The following DCAF8L2 variants were observed in gnomAD, a reference collection of about 807,000 sequenced individuals.
DCAF8L2 encodes DDB1 and CUL4 associated factor 8 like 2, also known as DDB1- and CUL4-associated factor 8-like protein 2.
For synonymous variants in DCAF8L2, 200 were observed against 190.9 expected (o/e 1.05, Z -0.39); for missense variants, 430 against 490.7 (o/e 0.88, Z 1.17).
intron 1 of DCAF8L2, among the ~76,000 whole-genome samples, chrX:27,596,145 C>G (rs1926348115): frequency 8.9e-6 from 1 of 112,172 alleles, no homozygotes; most frequent in African/African-American, 3.2e-5. Flanking sequence ...AATTTGTAAA[C>G]TAATTTTTCT....
At chrX:27,612,979 T>C (rs1338123592) in intron 1 of DCAF8L2, among the ~76,000 whole-genome samples, 5 of 111,789 alleles carry the variant, frequency 4.5e-5, no homozygotes, top group African/African-American at 1.6e-4. Context: ...TTTTCCAATT[T>C]GGTCAAGAAA....
At chrX:27,630,689 C>T (rs1470046955) in intron 1 of DCAF8L2, among the ~76,000 whole-genome samples, 1 of 111,920 alleles carries the variant, frequency 8.9e-6, no homozygotes, top group African/African-American at 3.2e-5. Flanking sequence ...GGGGTTTATT[C>T]ATCATAGTCT....
upstream of DCAF8L2, among the ~76,000 whole-genome samples, chrX:27,586,204 A>G: frequency 9.0e-6 from 1 of 111,247 alleles, no homozygotes; most frequent in East Asian, 2.8e-4. Context: ...AGAACAAATG[A>G]CACTGTTATA....
At chrX:27,706,445 A>G (rs1569187774) in intron 3 of DCAF8L2, among the ~76,000 whole-genome samples, 1 of 111,271 alleles carries the variant, frequency 9.0e-6, no homozygotes, top group Non-Finnish European at 1.9e-5. Context: ...TCCTCTAAAG[A>G]AAGACCAACT....
At chrX:27,643,990 C>T (rs1928843141) in intron 2 of DCAF8L2, among the ~76,000 whole-genome samples, 1 of 111,572 alleles carries the variant, frequency 9.0e-6, no homozygotes, top group South Asian at 3.8e-4. Flanking sequence ...GAAGTCTTTG[C>T]ACTTAACATT....
the DCAF8L2 span, among the ~76,000 whole-genome samples, chrX:27,509,561 T>C: frequency 8.9e-6 from 1 of 112,302 alleles, no homozygotes; most frequent in Non-Finnish European, 1.9e-5. Flanking sequence ...GGTTGTCTAA[T>C]GAACATTGCA....
At chrX:27,504,341 C>T in the DCAF8L2 span, among the ~76,000 whole-genome samples, 2 of 111,572 alleles carry the variant, frequency 1.8e-5, no homozygotes, top group African/African-American at 6.5e-5. Context: ...CCTAACTCCT[C>T]TCATATTCAG....
the DCAF8L2 span, among the ~76,000 whole-genome samples, chrX:27,488,898 C>T: frequency 2.7e-5 from 3 of 110,120 alleles, no homozygotes; most frequent in African/African-American, 9.9e-5. Flanking sequence ...AAGCGATCCT[C>T]CCACCTTGGC....
At chrX:27,615,128 G>A (rs1052500391) in intron 1 of DCAF8L2, among the ~76,000 whole-genome samples, 1 of 111,350 alleles carries the variant, frequency 9.0e-6, no homozygotes, top group Admixed American at 9.6e-5. Context: ...AGGAAGACGT[G>A]CCCCTTGCCC....
At chrX:27,656,405 G>A (rs761154101) in intron 2 of DCAF8L2, among the ~76,000 whole-genome samples, 1 of 111,419 alleles carries the variant, frequency 9.0e-6, no homozygotes, top group South Asian at 3.7e-4. Context: ...GTTTTTATTG[G>A]GCTTCCCTTT....
the DCAF8L2 span, among the ~76,000 whole-genome samples, chrX:27,533,512 TATA>T: frequency 8.9e-6 from 1 of 111,860 alleles, no homozygotes; most frequent in African/African-American, 3.2e-5. Flanking sequence ...ATATCCACCT[TATA>T]ATAAAGAAGC....
chrX:27,491,562 C>T, the DCAF8L2 span, among the ~76,000 whole-genome samples: 1 of 112,293 alleles, frequency 8.9e-6, no homozygotes, highest in African/African-American at 3.2e-5. Flanking sequence ...ATTTTGCCTA[C>T]TCTGCATTTC....
chrX:27,676,143 T>C (rs756081887), intron 2 of DCAF8L2, among the ~76,000 whole-genome samples: 3 of 111,334 alleles, frequency 2.7e-5, no homozygotes, highest in Non-Finnish European at 5.7e-5. Context: ...TCCACTGAAG[T>C]CTCCCCTGTA....
intron 1 of DCAF8L2, among the ~76,000 whole-genome samples, chrX:27,615,048 T>C (rs773723390): frequency 1.1e-4 from 12 of 111,468 alleles, no homozygotes; most frequent in Non-Finnish European, 2.3e-4. Flanking sequence ...TCTGCATTTT[T>C]GGGTCATGTT....
chrX:27,494,079 T>C, the DCAF8L2 span, among the ~76,000 whole-genome samples: 1 of 111,931 alleles, frequency 8.9e-6, no homozygotes, highest in African/African-American at 3.2e-5. Flanking sequence ...TCCAAGTCTT[T>C]GGGTGGAATT....
At chrX:27,599,438 G>A (rs182049815) in intron 1 of DCAF8L2, among the ~76,000 whole-genome samples, 89 of 111,524 alleles carry the variant, frequency 8.0e-4, no homozygotes, top group Non-Finnish European at 1.4e-3. Flanking sequence ...AAATTCTAGA[G>A]ATCTGCTGCA....
intron 3 of DCAF8L2, among the ~76,000 whole-genome samples, chrX:27,689,355 C>T (rs910957062): frequency 1.6e-4 from 18 of 112,069 alleles, no homozygotes; most frequent in South Asian, 7.4e-4. Context: ...AGTGATTCTC[C>T]TGCCACAGCC....
chrX:27,484,071 A>G, the DCAF8L2 span, among the ~76,000 whole-genome samples: 11 of 111,609 alleles, frequency 9.9e-5, no homozygotes, highest in Middle Eastern at 9.3e-3. Flanking sequence ...GTTTTTTGAT[A>G]ACGGTATTAA....
chrX:27,743,791 G>A (rs987259692), intron 4 of DCAF8L2, among the ~76,000 whole-genome samples: 2 of 106,639 alleles, frequency 1.9e-5, no homozygotes, highest in Non-Finnish European at 3.8e-5. Context: ...GGAGTGCAGT[G>A]GTGTGATCTC....
Sources: allele counts gnomAD v4.1 joint callset (sites outside exome capture counted in the v4.1 genomes callset), GRCh38; gene constraint gnomAD v4.1.1; transcripts MANE v1.5; gene names NCBI Gene and HGNC (gene_info 2026-07-23, HGNC 2026-07-21).